The following PEX14 variants were observed in gnomAD, a reference collection of about 807,000 sequenced individuals.
PEX14 encodes peroxisomal membrane protein PEX14.
Under a neutral mutation model 49.5 loss-of-function variants are expected in PEX14, and 15 were observed. The ratio of observed to expected loss-of-function variants is 0.30; its 90% confidence interval spans 0.20 to 0.47. The LOEUF (loss-of-function observed/expected upper bound fraction) is 0.47, where lower values mean the gene tolerates loss of function less well. Ranked by LOEUF, PEX14 falls within the 20% of genes least tolerant of loss-of-function variation. The pLI is 1.00. For missense variants in PEX14, 398 were observed against 494.8 expected, an observed-to-expected ratio of 0.80 and a Z score of 1.86; for synonymous variants, 210 against 212.7, an observed-to-expected ratio of 0.99 and a Z score of 0.11.
chr1:10,627,311 A>G lies in PEX14; in HGVS notation c.625A>G (p.Ile209Val). 1 of 1,613,896 alleles carries G rather than the reference A, an allele frequency of 6.2e-7. No homozygotes were observed. Among genetic ancestry groups the G allele is most frequent in the Non-Finnish European group, 8.5e-7 (1 of 1,179,864 alleles). Residue 209 changes from isoleucine to valine, a missense_variant, in exon 8 of 9, where the codon ATC becomes GTC. Physicochemically the swap from Ile to Val is conservative, Grantham distance 29 (BLOSUM62 3). This residue lies in a region of PEX14 where 202 missense variants were observed against 298.5 expected (regional missense o/e 0.68). Transcript: ENST00000356607. ...STNWILESQN[I>V]NELKSEINSL... The stretch of plus-strand genomic sequence containing the variant: ...CAACTGGATCCTGGAGTCCCAGAAT[A>G]TCAACGAACTCAAGTCCGAAATTAA...
chr1:10,520,018 T>G (rs1638228338), intron 2 of PEX14, among the ~76,000 whole-genome samples: 1 of 152,278 alleles, frequency 6.6e-6, no homozygotes, highest in South Asian at 2.1e-4. Context: ...TAATATGTTT[T>G]GGTAGTGACA....
At chr1:10,590,097 G>A (rs1054839572) in intron 3 of PEX14, among the ~76,000 whole-genome samples, 3 of 152,228 alleles carry the variant, frequency 2.0e-5, no homozygotes, top group Non-Finnish European at 4.4e-5. Context: ...TGAGATCTCA[G>A]ATAGGCCGGT....
chr1:10,598,182 C>A (rs1640880917), intron 3 of PEX14, among the ~76,000 whole-genome samples: 2 of 152,194 alleles, frequency 1.3e-5, no homozygotes, highest in Non-Finnish European at 2.9e-5. Flanking sequence ...CAAGGGCTGG[C>A]CGAGTGGTCT....
intron 3 of PEX14, among the ~76,000 whole-genome samples, chr1:10,547,376 G>C (rs1639207168): frequency 6.6e-6 from 1 of 152,124 alleles, no homozygotes; most frequent in Non-Finnish European, 1.5e-5. Context: ...GCACCTAATT[G>C]GTGGTACCTA....
chr1:10,543,596 G>C (rs1393176954), intron 3 of PEX14, among the ~76,000 whole-genome samples: 1 of 152,198 alleles, frequency 6.6e-6, no homozygotes, highest in Non-Finnish European at 1.5e-5. Flanking sequence ...TGGTGAGATA[G>C]GAAGTGAGGG....
chr1:10,531,854 G>T (rs544649994), intron 2 of PEX14, among the ~76,000 whole-genome samples: 1 of 152,194 alleles, frequency 6.6e-6, no homozygotes, highest in African/African-American at 2.4e-5. Context: ...TATTAGGCAG[G>T]CTCTGTCCTC....
At chr1:10,627,693 C>T (rs1469504930) in intron 8 of PEX14, among the ~76,000 whole-genome samples, 1 of 152,222 alleles carries the variant, frequency 6.6e-6, no homozygotes, top group Non-Finnish European at 1.5e-5. Context: ...TTCCTGAGCT[C>T]CAGGTGACCA....
intron 3 of PEX14, among the ~76,000 whole-genome samples, chr1:10,554,221 G>A (rs1020808764): frequency 2.7e-5 from 4 of 150,868 alleles, no homozygotes; most frequent in Non-Finnish European, 4.4e-5. Flanking sequence ...GGAGGATGGC[G>A]TGAACCTGGG....
rs1453351640 is a variant in PEX14, at chr1:10,539,691, A to G, written c.169+3394A>G. On this transcript the variant is annotated intron_variant, in intron 3 of 8. Coordinates refer to ENST00000356607, the MANE Select transcript of PEX14 (RefSeq NM_004565.3). This position sits in a 1 kb window ranked among gnomAD's most constrained non-coding sequence, Gnocchi z 4.6. The stretch of plus-strand genomic sequence containing the variant: ...AGGTTAGAGTAACGTAAAAACAGCA[A>G]TAGAATCAGTCCAGAAAGTTAGAGG... 6.6e-6 allele frequency among the ~76,000 whole-genome samples: 1 copy of G among 152,130 alleles called. No homozygotes were observed. Among genetic ancestry groups the G allele is most frequent in the Non-Finnish European group, 1.5e-5 (1 of 68,032 alleles).
intron 3 of PEX14, among the ~76,000 whole-genome samples, chr1:10,589,566 TTTG>T: frequency 1.5e-4 from 1 of 6,688 alleles, no homozygotes; most frequent in Non-Finnish European, 1.1e-3. Context: ...TGTAGTTTTG[TTTG>T]TTTGTTTGTT....
chr1:10,495,228 T>C lies in PEX14; in HGVS notation c.37-46T>C, dbSNP rs1341382695. The C allele has an allele frequency of 6.3e-7, 1 of 1,598,448 alleles. No homozygotes were observed. The highest frequency in any genetic ancestry group is 8.6e-7 in the Non-Finnish European group (1 of 1,166,032). ...AACATCTTTGGTTTTTTGATGTCCA[T>C]TGGGTGGCACTGTGATCTTATTTTT... On this transcript the variant is annotated intron_variant, in intron 1 of 8. Transcript: ENST00000356607. This position sits in a 1 kb window ranked among gnomAD's most constrained non-coding sequence, Gnocchi z 4.2.
At chr1:10,621,495 C>T (rs370662158) in intron 5 of PEX14, among the ~76,000 whole-genome samples, 4 of 152,050 alleles carry the variant, frequency 2.6e-5, no homozygotes, top group African/African-American at 7.2e-5. Flanking sequence ...TACAGGCATG[C>T]GCCACCACAC....
At chr1:10,627,414 C>A in intron 8 of PEX14, 51 bp downstream of exon 8, 1 of 1,257,536 alleles carries the variant, frequency 8.0e-7, no homozygotes, top group African/African-American at 1.5e-5. Flanking sequence ...GAAAGGAGGA[C>A]TGGGAGCTCT....
At chr1:10,544,754 CTT>C (rs70997247) in intron 3 of PEX14, among the ~76,000 whole-genome samples, 8 of 148,376 alleles carry the variant, frequency 5.4e-5, no homozygotes, top group South Asian at 2.1e-4. Flanking sequence ...ATAGATTAGC[CTT>C]TTTTTTTTTC....
At chr1:10,501,836 A>G (rs1202983389) in intron 2 of PEX14, among the ~76,000 whole-genome samples, 1 of 152,130 alleles carries the variant, frequency 6.6e-6, no homozygotes, top group African/African-American at 2.4e-5. Context: ...ACTTAAGCCT[A>G]GTGGGTTGAG....
At chr1:10,518,746 G>T (rs987412353) in intron 2 of PEX14, among the ~76,000 whole-genome samples, 2 of 152,198 alleles carry the variant, frequency 1.3e-5, no homozygotes, top group Non-Finnish European at 2.9e-5. Flanking sequence ...CCTGCATGGT[G>T]CTTCCTGCGT....
chr1:10,487,567 C>T lies in PEX14; in HGVS notation c.37-7707C>T, dbSNP rs557516682. 7.5e-5 allele frequency among the ~76,000 whole-genome samples: 11 copies of T among 146,182 alleles called. No individual in the cohort carries two copies. The East Asian group carries it at 2.0e-3, about 27-fold the overall frequency. ...TGGCGTGATCTCAGCTCACTGCAAC[C>T]TCTACCTCCCAGGTTCAAGCGATTC... On this transcript the variant is annotated intron_variant, in intron 1 of 8. Transcript: ENST00000356607.
At chr1:10,500,338 C>G (rs1641650595) in intron 2 of PEX14, among the ~76,000 whole-genome samples, 1 of 137,112 alleles carries the variant, frequency 7.3e-6, no homozygotes, top group Non-Finnish European at 1.5e-5. Context: ...CGCGCTACTG[C>G]CCTGCAGCCT....
rs1051320987 is a variant in PEX14, at chr1:10,495,411, A to G, written c.84+90A>G. 2.6e-5 allele frequency: 27 copies of G among 1,051,306 alleles called. No homozygotes were observed. In the African/African-American group the frequency reaches 3.8e-4, roughly 15 times the overall value. 65.1% of individuals were successfully genotyped at this position (1,051,306 alleles called of 1,614,324 possible). ...CCTTCTGTTCCTATGGTTCTGCGTCAGTAGTGTCCCTTTAAAAGTAGCTGT... is the reference window on the plus strand; with the variant it reads ...CCTTCTGTTCCTATGGTTCTGCGTCGGTAGTGTCCCTTTAAAAGTAGCTGT... On this transcript the variant is annotated intron_variant, in intron 2 of 8. Coordinates refer to ENST00000356607, the MANE Select transcript of PEX14 (RefSeq NM_004565.3). This position sits in a 1 kb window ranked among gnomAD's most constrained non-coding sequence, Gnocchi z 4.2.
Sources: allele counts gnomAD v4.1 joint callset (sites outside exome capture counted in the v4.1 genomes callset), GRCh38; gene constraint gnomAD v4.1.1; regional missense constraint gnomAD v4.1.1; non-coding constraint Gnocchi (gnomAD v3.1); transcripts MANE v1.5; gene names NCBI Gene and HGNC (gene_info 2026-07-23, HGNC 2026-07-21).